DNAH17: variants seen among roughly 807,000 people sequenced by gnomAD.
DNAH17 encodes axonemal beta dynein heavy chain 17.
In DNAH17, 376 loss-of-function variants were observed where a neutral mutation model predicts 485.6. The observed-to-expected ratio is 0.77, with a 90% CI of 0.71 to 0.84. The LOEUF (loss-of-function observed/expected upper bound fraction) is 0.84, where lower values mean the gene tolerates loss of function less well. Among genes scored for constraint, DNAH17 ranks in the 40% least tolerant of loss-of-function variants. DNAH17 has a pLI of 0.00. For missense variants in DNAH17, 6,370 were observed against 5,839.3 expected (o/e 1.09, Z -2.96); for synonymous variants, 3,031 against 2,405.9 (o/e 1.26, Z -7.60).
rs770329857 is a variant in DNAH17 at position 78,501,311 on chromosome 17, G to A, written c.5356C>T (p.Gln1786Ter). 6.2e-7 allele frequency: 1 copy of A among 1,604,200 alleles called. No individual in the cohort carries two copies. Among genetic ancestry groups the A allele is most frequent in the Non-Finnish European group, 8.5e-7 (1 of 1,172,004 alleles). Residue 1786 changes from glutamine (Q) to a stop codon, truncating the protein, a stop_gained, in exon 35 of 81, where the codon CAG becomes TAG. Coordinates refer to ENST00000389840, the MANE Select transcript of DNAH17 (RefSeq NM_173628.4). LOFTEE classifies it high-confidence loss of function. Reference protein sequence around the residue: ...ESSQAFTWQAQLRHRWDEEKR... With the variant: ...ESSQAFTWQA The stretch of plus-strand genomic sequence containing the variant: ...TCTTCGTCCCAGCGATGCCGGAGCT[G>A]GGCCTGCCAGGTGAAGGCCTGAGAA...
chr17:78,539,931 C>G, intron 17 of DNAH17, 51 bp from the exon 18 acceptor site: 4 of 1,508,908 alleles, frequency 2.7e-6, no homozygotes, highest in Non-Finnish European at 2.7e-6. Context: ...TGTGCTTGCT[C>G]TTTGATCACA....
chr17:78,554,436 C>CAAAAAAAAAAAAAAAAAA (rs55701739), intron 14 of DNAH17, among the ~76,000 whole-genome samples: 2 of 32,238 alleles, frequency 6.2e-5, no homozygotes, highest in African/African-American at 2.1e-4. Context: ...GACTCTGTCT[C>CAAAAAAAAAAAAAAAAAA]AAAAAAAAAA....
chr17:78,496,103 A>G (rs2090061104), intron 37 of DNAH17, 71 bp from the exon 38 acceptor site: 4 of 1,510,124 alleles, frequency 2.6e-6, no homozygotes, highest in African/African-American at 1.4e-5. Flanking sequence ...AGGCCTTCAC[A>G]TATGTTAAAG....
At chr17:78,485,130 G>T in intron 47 of DNAH17, 97 bp from the exon 48 acceptor site, 1 of 1,434,618 alleles carries the variant, frequency 7.0e-7, no homozygotes. Context: ...AGGACAGAAG[G>T]TGGGACCTGG....
intron 66 of DNAH17, 55 bp downstream of exon 66, chr17:78,451,414 C>T: frequency 4.0e-6 from 6 of 1,515,280 alleles, no homozygotes; most frequent in Non-Finnish European, 5.4e-6. Flanking sequence ...AGTGACCTGG[C>T]CCCCTCTGTG....
intron 54 of DNAH17, among the ~76,000 whole-genome samples, chr17:78,470,822 G>C (rs543379577): frequency 9.2e-5 from 14 of 152,306 alleles, no homozygotes; most frequent in African/African-American, 3.1e-4. Flanking sequence ...CTGCAGGCTT[G>C]GACTGGGAGC....
chr17:78,533,039 G>A (rs549721960), intron 19 of DNAH17: 110 of 264,128 alleles, frequency 4.2e-4, no homozygotes, highest in African/African-American at 1.8e-3. Flanking sequence ...CCACAGGCAC[G>A]TGCCACTGTG....
chr17:78,476,924 G>A (rs1403262807), intron 51 of DNAH17, among the ~76,000 whole-genome samples, 191 bp from the exon 52 acceptor site: 1 of 152,184 alleles, frequency 6.6e-6, no homozygotes, highest in African/African-American at 2.4e-5. Context: ...ATGCCAGTGT[G>A]TGTGTGTGTC....
Position 78,561,762 on chromosome 17 carries a change from C to A in DNAH17, c.1788G>T (p.Gln596His). ...AGQLKWSLEL[Q>H]ERLEVSMKHL... ...GTTTCATGGACACCTCTAGCCTCTCCTGCAGCTCCAGGCTCCATTTGAGCT... is the reference window on the plus strand; with the variant it reads ...GTTTCATGGACACCTCTAGCCTCTCATGCAGCTCCAGGCTCCATTTGAGCT... The change falls in exon 12 of 81, where the codon CAG becomes CAT. Residue 596 changes from glutamine to histidine, a missense_variant. Physicochemically the swap from Gln to His is conservative, Grantham distance 24. Coordinates refer to ENST00000389840, the MANE Select transcript of DNAH17 (RefSeq NM_173628.4). 6.2e-7 allele frequency: 1 copy of A among 1,613,054 alleles called. No individual in the cohort carries two copies. Among genetic ancestry groups the A allele is most frequent in the Non-Finnish European group, 8.5e-7 (1 of 1,179,548 alleles).
chr17:78,471,370 G>A (rs2088741464), intron 54 of DNAH17, among the ~76,000 whole-genome samples: 2 of 152,204 alleles, frequency 1.3e-5, no homozygotes, highest in Admixed American at 1.3e-4. Context: ...TTGAGCCAAG[G>A]CTATGTCCTT....
intron 74 of DNAH17, among the ~76,000 whole-genome samples, chr17:78,435,473 G>T (rs929066878): frequency 6.6e-6 from 1 of 152,028 alleles, no homozygotes; most frequent in Admixed American, 6.6e-5. Flanking sequence ...TCACTCCCTG[G>T]CTACCCACCT....
intron 57 of DNAH17, 93 bp from the exon 58 acceptor site, chr17:78,461,801 G>A: frequency 7.8e-7 from 1 of 1,284,808 alleles, no homozygotes; most frequent in Non-Finnish European, 1.1e-6. Flanking sequence ...AGCCACAGAG[G>A]GGCAGAACGG....
At chr17:78,511,112 G>A (rs111810778) in intron 26 of DNAH17, among the ~76,000 whole-genome samples, 16,938 of 152,190 alleles carry the variant, frequency 0.11, 1,223 homozygotes, top group Middle Eastern at 0.17. Flanking sequence ...AGAAAACACA[G>A]GTCTGTTTTC....
intron 18 of DNAH17, among the ~76,000 whole-genome samples, chr17:78,539,134 G>A (rs1029931902): frequency 1.3e-5 from 2 of 152,112 alleles, no homozygotes; most frequent in African/African-American, 4.8e-5. Context: ...GGGAGGCTGA[G>A]GTAGAGAACT....
At chr17:78,575,660 T>C (rs1259830239) in intron 1 of DNAH17, among the ~76,000 whole-genome samples, 1 of 151,894 alleles carries the variant, frequency 6.6e-6, no homozygotes, top group African/African-American at 2.4e-5. Context: ...CCTAAAAGAA[T>C]CGAGCTGCAA....
At chr17:78,473,476 G>A (rs891785082) in intron 54 of DNAH17, among the ~76,000 whole-genome samples, 1 of 151,024 alleles carries the variant, frequency 6.6e-6, no homozygotes, top group African/African-American at 2.4e-5. Context: ...CCCGGGAAGC[G>A]GAGCTTGCAG....
At position 78,485,263 on chromosome 17, in the gene DNAH17, A is replaced by G. The variant is rs985770247; in HGVS notation, c.7484-230T>C. The G allele has an allele frequency of 2.2e-5, 14 of 638,790 alleles. No individual in the cohort carries two copies. In the South Asian group the frequency reaches 2.8e-4, roughly 13 times the overall value. The allele number at this position is 638,790 out of a possible 1,614,324, so 39.6% of individuals were successfully genotyped here. A position where few individuals can be genotyped will look rare whatever the true frequency, so the allele number is the denominator to read the frequency against. On this transcript the variant is annotated intron_variant, in intron 47 of 80. Coordinates refer to ENST00000389840, the MANE Select transcript of DNAH17 (RefSeq NM_173628.4). ...GGTGGCAGGAACCTTGCTCTCCGTC[A>G]CCTTTGGGTCGCCTTAGATTGGCTG...
At chr17:78,464,848 C>A (rs2146547600) in intron 56 of DNAH17, among the ~76,000 whole-genome samples, 1 of 152,344 alleles carries the variant, frequency 6.6e-6, no homozygotes, top group East Asian at 1.9e-4. Flanking sequence ...ACAAAAAAAC[C>A]CAACAGCCCA....
At chr17:78,529,304 C>A (rs1229251065) in intron 22 of DNAH17, among the ~76,000 whole-genome samples, 168 bp downstream of exon 22, 1 of 152,146 alleles carries the variant, frequency 6.6e-6, no homozygotes, top group Non-Finnish European at 1.5e-5. Flanking sequence ...GTCTCCTGTC[C>A]CCCAGAAACC....
Sources: allele counts gnomAD v4.1 joint callset (sites outside exome capture counted in the v4.1 genomes callset), GRCh38; gene constraint gnomAD v4.1.1; transcripts MANE v1.5; gene names NCBI Gene and HGNC (gene_info 2026-07-23, HGNC 2026-07-21).